The following RUBCNL variants were observed in gnomAD, a reference collection of about 807,000 sequenced individuals.
RUBCNL encodes the protein rubicon like autophagy enhancer, also known as protein associated with UVRAG as autophagy enhancer.
RUBCNL carries 62 observed loss-of-function variants against 69.5 expected under a neutral mutation model. That is an observed-to-expected ratio of 0.89 (90% CI 0.73 to 1.10). RUBCNL has a LOEUF of 1.10. Among genes scored for constraint, RUBCNL ranks in the 50% least tolerant of loss-of-function variants. The pLI, the probability that RUBCNL is intolerant of heterozygous loss-of-function variation, is 0.00. For missense variants in RUBCNL, 768 were observed against 798.1 expected, an observed-to-expected ratio of 0.96 and a Z score of 0.45; for synonymous variants, 291 against 303.6, an observed-to-expected ratio of 0.96 and a Z score of 0.43.
At chr13:46,347,925 G>A (rs921834800) in intron 12 of RUBCNL, among the ~76,000 whole-genome samples, 10 of 151,950 alleles carry the variant, frequency 6.6e-5, no homozygotes, top group African/African-American at 2.2e-4. Flanking sequence ...CCCGGGAGGC[G>A]GAGCTTGCAG....
intron 12 of RUBCNL, among the ~76,000 whole-genome samples, chr13:46,348,879 G>C (rs2048308529): frequency 6.6e-6 from 1 of 152,134 alleles, no homozygotes; most frequent in Non-Finnish European, 1.5e-5. Context: ...TGGGATTACA[G>C]GTGTGAGCCA....
chr13:46,384,064 C>T (rs2049180736), intron 1 of RUBCNL, among the ~76,000 whole-genome samples: 1 of 152,178 alleles, frequency 6.6e-6, no homozygotes, highest in South Asian at 2.1e-4. Context: ...TGTCTACCTC[C>T]CTGAGCCCAG....
Position 46,345,322 on chromosome 13 carries a change from C to G in RUBCNL, c.1785+125G>C, listed in dbSNP as rs978854694. ...ACTTCACAGCTCTGACCTCAGTTTT[C>G]TCATCTCTAACTAGGTCACCGGCAC... On this transcript the variant is annotated intron_variant, in intron 13 of 14. Coordinates refer to ENST00000429979, the MANE Select transcript of RUBCNL (RefSeq NM_025113.5). The G allele has an allele frequency of 6.8e-6, 8 of 1,172,632 alleles. No individual in the cohort carries two copies. The East Asian group carries it at 2.1e-4, about 30-fold the overall frequency. The allele number at this position is 1,172,632 out of a possible 1,614,324, so 72.6% of individuals were successfully genotyped here.
intron 12 of RUBCNL, among the ~76,000 whole-genome samples, chr13:46,346,227 T>C (rs1248310834): frequency 6.6e-6 from 1 of 152,138 alleles, no homozygotes; most frequent in Non-Finnish European, 1.5e-5. Flanking sequence ...AAGACAGCCA[T>C]GGCCTACACT....
chr13:46,344,494 T>C (rs1222352530), intron 14 of RUBCNL, among the ~76,000 whole-genome samples: 2 of 152,186 alleles, frequency 1.3e-5, no homozygotes, highest in South Asian at 4.1e-4. Context: ...ATCTCCTCTA[T>C]CCAAACCCTG....
chr13:46,355,294 C>CA (rs1491392494), intron 10 of RUBCNL, among the ~76,000 whole-genome samples: 10 of 126,486 alleles, frequency 7.9e-5, no homozygotes, highest in Admixed American at 2.4e-4. Flanking sequence ...AAAGCCCGAG[C>CA]TTTTTTTTTT....
At chr13:46,367,436 A>C (rs1204403472) in intron 5 of RUBCNL, among the ~76,000 whole-genome samples, 2 of 152,238 alleles carry the variant, frequency 1.3e-5, no homozygotes, top group African/African-American at 4.8e-5. Flanking sequence ...ACGAGGAGAC[A>C]TCAGCCACGT....
At chr13:46,352,676 T>C (rs562256750) in intron 10 of RUBCNL, among the ~76,000 whole-genome samples, 1 of 152,242 alleles carries the variant, frequency 6.6e-6, no homozygotes, top group Non-Finnish European at 1.5e-5. Flanking sequence ...TGGCGGTGCA[T>C]GCTTGTAATC....
At chr13:46,348,844 C>T (rs1453475719) in intron 12 of RUBCNL, among the ~76,000 whole-genome samples, 1 of 152,038 alleles carries the variant, frequency 6.6e-6, no homozygotes, top group African/African-American at 2.4e-5. Context: ...CCTCGTGATC[C>T]ACCCACCTCG....
At chr13:46,357,556 T>G (rs74899506) in intron 9 of RUBCNL, among the ~76,000 whole-genome samples, 1,569 of 151,312 alleles carry the variant, frequency 0.01, 26 homozygotes, top group African/African-American at 0.037. Flanking sequence ...TTTAGACGAA[T>G]AAGAGGTAAC....
intron 9 of RUBCNL, among the ~76,000 whole-genome samples, chr13:46,358,949 C>T (rs961236343): frequency 2.6e-5 from 4 of 151,988 alleles, no homozygotes; most frequent in African/African-American, 9.7e-5. Context: ...TTATTTCACA[C>T]TGATTGTTCT....
intron 5 of RUBCNL, among the ~76,000 whole-genome samples, chr13:46,365,662 G>GA (rs1373943315): frequency 3.3e-5 from 5 of 152,156 alleles, no homozygotes; most frequent in African/African-American, 1.2e-4. Context: ...GCCATGGGGG[G>GA]AAATGTCTGC....
At chr13:46,379,672 CTA>C (rs997096479) in intron 1 of RUBCNL, among the ~76,000 whole-genome samples, 1 of 152,148 alleles carries the variant, frequency 6.6e-6, no homozygotes, top group African/African-American at 2.4e-5. Context: ...AAATAAGAGT[CTA>C]GAGTGAAAAG....
intron 2 of RUBCNL, among the ~76,000 whole-genome samples, chr13:46,373,623 C>T (rs2048926915): frequency 2.0e-5 from 3 of 152,226 alleles, no homozygotes; most frequent in South Asian, 4.1e-4. Flanking sequence ...TCTTCCACTG[C>T]CCTCTGCATT....
intron 3 of RUBCNL, among the ~76,000 whole-genome samples, chr13:46,369,608 C>T (rs905574417): frequency 2.5e-4 from 38 of 152,350 alleles, no homozygotes; most frequent in African/African-American, 8.7e-4. Context: ...AACCAACAAA[C>T]TGCAGAAGGT....
intron 2 of RUBCNL, among the ~76,000 whole-genome samples, chr13:46,373,692 A>G (rs1258333129): frequency 6.6e-6 from 1 of 152,258 alleles, no homozygotes; most frequent in African/African-American, 2.4e-5. Context: ...GAAGGCCTAG[A>G]GATAGAAGGG....
rs1268553019 is a variant in RUBCNL at position 46,386,984 on chromosome 13, C to G, written c.-239+150G>C. On this transcript the variant is annotated intron_variant, in intron 1 of 14. Transcript: ENST00000429979. ...GGTCCCCGACACTGCTCTGAGCGAC[C>G]CTAAGATACCTGGGTGTCTCTGCTG... 1.3e-5 allele frequency: 9 copies of G among 667,158 alleles called. No homozygotes were observed. In the East Asian group the frequency reaches 4.0e-4, roughly 30 times the overall value. The allele number at this position is 667,158 out of a possible 1,614,324, so 41.3% of individuals were successfully genotyped here.
At chr13:46,371,841 A>G (rs543486150) in intron 3 of RUBCNL, 100 bp downstream of exon 3, 3 of 1,218,690 alleles carry the variant, frequency 2.5e-6, no homozygotes, top group Non-Finnish European at 3.4e-6. Flanking sequence ...AGATGAGGCA[A>G]TGCATTGTCC....
chr13:46,366,788 G>A (rs1413833134), intron 5 of RUBCNL, among the ~76,000 whole-genome samples: 1 of 152,088 alleles, frequency 6.6e-6, no homozygotes, highest in East Asian at 1.9e-4. Context: ...TTAAGTTATA[G>A]GTTAACTACA....
Sources: gnomAD v4.1 joint callset for allele counts (sites outside exome capture counted in the v4.1 genomes callset) on GRCh38, gnomAD v4.1.1 for gene constraint, MANE v1.5 for transcripts, NCBI Gene and HGNC (gene_info 2026-07-23, HGNC 2026-07-21) for gene names.